RBMS1: variants seen among roughly 807,000 people sequenced by gnomAD.
RBMS1 encodes the protein RNA binding motif single stranded interacting protein 1, also known as RNA-binding motif, single-stranded-interacting protein 1.
A neutral mutation model predicts 62.3 loss-of-function variants in RBMS1; 17 were observed. The ratio of observed to expected loss-of-function variants is 0.27; its 90% confidence interval spans 0.19 to 0.41. The LOEUF (loss-of-function observed/expected upper bound fraction) is 0.41. RBMS1 is among the 10% of genes least tolerant of loss of function. The pLI is 1.00. For missense variants in RBMS1, 334 were observed against 504.5 expected (o/e 0.66, Z 3.24); for synonymous variants, 172 against 170.0 (o/e 1.01, Z -0.09).
intron 1 of RBMS1, among the ~76,000 whole-genome samples, chr2:160,450,575 AAAAAC>A (rs1683936270): frequency 1.3e-5 from 2 of 150,046 alleles, no homozygotes; most frequent in African/African-American, 2.4e-5. Context: ...AAAAAAAAAA[AAAAAC>A]AAAAAACATT....
At chr2:160,403,973 A>G (rs1428748542) in intron 1 of RBMS1, among the ~76,000 whole-genome samples, 1 of 152,108 alleles carries the variant, frequency 6.6e-6, no homozygotes, top group Non-Finnish European at 1.5e-5. Flanking sequence ...TTTTTGTTTC[A>G]AAACACACTA....
At chr2:160,472,533 A>G (rs1406464507) in intron 1 of RBMS1, among the ~76,000 whole-genome samples, 1 of 152,192 alleles carries the variant, frequency 6.6e-6, no homozygotes, top group African/African-American at 2.4e-5. Context: ...TTTCATTTTA[A>G]TCGATAATAT....
At chr2:160,380,441 G>C (rs62177314) in intron 1 of RBMS1, among the ~76,000 whole-genome samples, 4,268 of 152,234 alleles carry the variant, frequency 0.028, 102 homozygotes, top group Non-Finnish European at 0.043. Flanking sequence ...ACCTCAAAGC[G>C]AAGTAAACAG....
At chr2:160,313,311 G>A in intron 3 of RBMS1, 64 bp from the exon 4 acceptor site, 2 of 1,489,614 alleles carry the variant, frequency 1.3e-6, no homozygotes, top group Non-Finnish European at 1.8e-6. Context: ...AAGGGTAAAA[G>A]AACAGCTCTA....
intron 1 of RBMS1, among the ~76,000 whole-genome samples, chr2:160,450,940 A>C (rs2105318763): frequency 6.6e-6 from 1 of 152,306 alleles, no homozygotes; most frequent in Non-Finnish European, 1.5e-5. Context: ...TGGGAGGCCA[A>C]GGCAGGAGGA....
chr2:160,305,996 G>A (rs928332014), intron 4 of RBMS1, among the ~76,000 whole-genome samples: 1 of 152,100 alleles, frequency 6.6e-6, no homozygotes, highest in Non-Finnish European at 1.5e-5. Flanking sequence ...AGATGTAGTG[G>A]TGCCCATCTG....
intron 1 of RBMS1, chr2:160,407,672 G>C (rs1196638493): frequency 1.0e-6 from 1 of 981,766 alleles, no homozygotes; most frequent in African/African-American, 1.8e-5. Context: ...GCGCGGCGGC[G>C]GCCGGCGGGG....
chr2:160,364,549 C>T (rs1206559382), intron 2 of RBMS1, among the ~76,000 whole-genome samples: 2 of 152,204 alleles, frequency 1.3e-5, no homozygotes, highest in Non-Finnish European at 2.9e-5. Flanking sequence ...GTCATGACTC[C>T]CTCTTTCGAG....
rs1265714910 is a variant in RBMS1 at position 160,481,068 on chromosome 2, G to A, written c.75+12221C>T. On this transcript the variant is annotated intron_variant, in intron 1 of 13. Coordinates refer to ENST00000348849, the MANE Select transcript of RBMS1 (RefSeq NM_016836.4). ...TGCACTCCAGCCTAGGCAACAGAGT[G>A]AGACTGCCTTAAAAAAAAAAAAAAA... Among the ~76,000 whole-genome samples, 3 of 129,620 alleles carry A rather than the reference G, an allele frequency of 2.3e-5. No individual in the cohort carries two copies. The East Asian group carries it at 6.5e-4, about 28-fold the overall frequency. 85.0% of individuals were successfully genotyped at this position (129,620 alleles called of 152,430 possible). A position where few individuals can be genotyped will look rare whatever the true frequency, so the allele number is the denominator to read the frequency against.
chr2:160,291,628 C>T (rs1688682651), intron 6 of RBMS1, among the ~76,000 whole-genome samples: 1 of 152,144 alleles, frequency 6.6e-6, no homozygotes, highest in Non-Finnish European at 1.5e-5. Flanking sequence ...GTTTCTCCTC[C>T]TCCCCTGTGC....
chr2:160,446,395 C>G (rs924289911), intron 1 of RBMS1, among the ~76,000 whole-genome samples: 1 of 152,178 alleles, frequency 6.6e-6, no homozygotes, highest in Non-Finnish European at 1.5e-5. Flanking sequence ...ATATCTGTCT[C>G]CCTACACTTC....
intron 1 of RBMS1, among the ~76,000 whole-genome samples, chr2:160,457,381 C>G (rs1684284097): frequency 6.6e-6 from 1 of 152,182 alleles, no homozygotes; most frequent in Non-Finnish European, 1.5e-5. Flanking sequence ...CTGCCTGCCT[C>G]AGCCTCCCAA....
intron 2 of RBMS1, among the ~76,000 whole-genome samples, chr2:160,327,605 T>C (rs968435087): frequency 3.9e-5 from 6 of 152,156 alleles, no homozygotes; most frequent in Admixed American, 1.3e-4. Flanking sequence ...TAAGAGCACA[T>C]TGCACACAAA....
chr2:160,478,554 G>C (rs1685234759), intron 1 of RBMS1, among the ~76,000 whole-genome samples: 1 of 152,228 alleles, frequency 6.6e-6, no homozygotes, highest in Non-Finnish European at 1.5e-5. Context: ...CAAAGAGTTA[G>C]TGACCTGTAA....
intron 2 of RBMS1, among the ~76,000 whole-genome samples, chr2:160,336,300 A>C (rs1295617544): frequency 6.6e-6 from 1 of 152,200 alleles, no homozygotes; most frequent in Non-Finnish European, 1.5e-5. Flanking sequence ...TACATAGAAA[A>C]GTTAACAATC....
Position 160,493,442 on chromosome 2 carries a change from T to C in RBMS1, c.-79A>G. The C allele has an allele frequency of 7.1e-7, 1 of 1,404,230 alleles. No individual in the cohort carries two copies. The highest frequency in any genetic ancestry group is 1.0e-6 in the Non-Finnish European group (1 of 1,001,124). 87.0% of individuals were successfully genotyped at this position (1,404,230 alleles called of 1,614,324 possible). On this transcript the variant is annotated 5_prime_UTR_variant, in exon 1 of 14. Transcript: ENST00000348849. ...GTCTCGGGCTCTCCTGCCTCTCCCT[T>C]TCCGGCGGCGGCGGCAGCGGCGGCG...
chr2:160,323,859 C>A (rs73969152), intron 2 of RBMS1, among the ~76,000 whole-genome samples: 1 of 152,176 alleles, frequency 6.6e-6, no homozygotes, highest in African/African-American at 2.4e-5. Flanking sequence ...ACCTCTTGGC[C>A]CAAGTGAGCT....
intron 4 of RBMS1, among the ~76,000 whole-genome samples, chr2:160,309,984 G>A (rs1005209815): frequency 6.6e-6 from 1 of 152,116 alleles, no homozygotes; most frequent in African/African-American, 2.4e-5. Context: ...CAGTACTGGA[G>A]TATTAAATTA....
chr2:160,356,435 C>A (rs1411648590), intron 2 of RBMS1, among the ~76,000 whole-genome samples: 1 of 151,910 alleles, frequency 6.6e-6, no homozygotes, highest in Non-Finnish European at 1.5e-5. Flanking sequence ...GTTTGTGGTG[C>A]TGATGAGGAA....
Sources: gnomAD v4.1 joint callset for allele counts (sites outside exome capture counted in the v4.1 genomes callset) on GRCh38, gnomAD v4.1.1 for gene constraint, MANE v1.5 for transcripts, NCBI Gene and HGNC (gene_info 2026-07-23, HGNC 2026-07-21) for gene names.